ACAD10: variants seen among roughly 807,000 people sequenced by gnomAD.
ACAD10 encodes the protein acyl-CoA dehydrogenase family member 10.
ACAD10 carries 112 observed loss-of-function variants against 116.8 expected under a neutral mutation model. That is an observed-to-expected ratio of 0.96 (90% CI 0.82 to 1.12). The LOEUF is 1.12. Ranked by LOEUF, ACAD10 falls within the 50% of genes most tolerant of loss-of-function variation. The probability of loss-of-function intolerance (pLI) is 0.00; values close to 1 mark genes in which losing one functional copy is unlikely to be tolerated. For missense variants in ACAD10, 1,259 were observed against 1,350.2 expected, an observed-to-expected ratio of 0.93 and a Z score of 1.06; for synonymous variants, 486 against 510.6, an observed-to-expected ratio of 0.95 and a Z score of 0.65.
In ACAD10 at chr12:111,692,785, C is replaced by T. The variant is rs764785788; in HGVS notation, c.76C>T (p.Arg26Cys). 2.3e-5 allele frequency: 37 copies of T among 1,614,070 alleles called. No homozygotes were observed. Among genetic ancestry groups the T allele is most frequent in the Admixed American group, 8.3e-5 (5 of 60,000 alleles). Residue 26 changes from arginine to cysteine, a missense_variant, in exon 2 of 21, where the codon CGC becomes TGC. Arg to Cys is a radical substitution (Grantham distance 180). Transcript: ENST00000313698. ...WRTAFLKHTQRRHQGSHRWTH... is the reference protein window; with the variant it reads ...WRTAFLKHTQCRHQGSHRWTH... ...AACAGCCTTCCTGAAACACACCCAG[C>T]GCAGGCACCAGGGGTCCCACCGATG...
Position 111,729,845 on chromosome 12 carries a change from A to G in ACAD10, c.1283A>G (p.Gln428Arg). ...CGCCAGGTACGAACCTGGGTTAAGC[A>G]GTATCGAGCTTCCGAAACTAGCACC... ...IPRQVRTWVKQYRASETSTIP... is the reference protein window; with the variant it reads ...IPRQVRTWVKRYRASETSTIP... The change falls in exon 10 of 21, where the codon CAG becomes CGG. Residue 428 changes from glutamine to arginine, a missense_variant. Gln to Arg is a conservative substitution (Grantham distance 43). Transcript: ENST00000313698. 1 of 1,614,120 alleles carries G rather than the reference A, an allele frequency of 6.2e-7. No homozygotes were observed. The highest frequency in any genetic ancestry group is 8.5e-7 in the Non-Finnish European group (1 of 1,180,014).
chr12:111,691,532 G>T (rs1009727916), intron 1 of ACAD10, among the ~76,000 whole-genome samples: 1 of 151,730 alleles, frequency 6.6e-6, no homozygotes, highest in Non-Finnish European at 1.5e-5. Context: ...ATGTAGATGT[G>T]TATGTCCAGA....
In ACAD10 at chr12:111,747,030, C is replaced by T. The variant is rs766376238; in HGVS notation, c.2257-19C>T. ...GAAGAGGACATGACAGTCATGGTCACGCTCCTTTTCCTTCTCAGGTATGTA... is the reference window on the plus strand; with the variant it reads ...GAAGAGGACATGACAGTCATGGTCATGCTCCTTTTCCTTCTCAGGTATGTA... On this transcript the variant is annotated intron_variant, in intron 14 of 20. Transcript: ENST00000313698. 1.6e-5 allele frequency: 25 copies of T among 1,561,966 alleles called. No homozygotes were observed. The highest frequency in any genetic ancestry group is 1.5e-4 in the African/African-American group (11 of 73,508).
In ACAD10 at chr12:111,733,914, A is replaced by T. The variant is rs754240032; in HGVS notation, c.1395-9A>T. On this transcript the variant is annotated splice_polypyrimidine_tract_variant and intron_variant, in intron 10 of 20. Coordinates refer to ENST00000313698, the MANE Select transcript of ACAD10 (RefSeq NM_025247.6). Reference sequence around the variant, plus strand: ...TAGTGCTGTCTCTATTCCTCCTGCGACTTTTCAGGCTCGACAACCTGGTGT... The same window carrying T: ...TAGTGCTGTCTCTATTCCTCCTGCGTCTTTTCAGGCTCGACAACCTGGTGT... 1 of 1,614,014 alleles carries T rather than the reference A, an allele frequency of 6.2e-7. No homozygotes were observed. Among genetic ancestry groups the T allele is most frequent in the Non-Finnish European group, 8.5e-7 (1 of 1,180,042 alleles).
chr12:111,700,226 A>G (rs1012277580), intron 2 of ACAD10, among the ~76,000 whole-genome samples: 1 of 152,154 alleles, frequency 6.6e-6, no homozygotes, highest in African/African-American at 2.4e-5. Context: ...GCCCCAAGCC[A>G]TATTTTGCTG....
intron 1 of ACAD10, among the ~76,000 whole-genome samples, chr12:111,691,942 A>G (rs567605021): frequency 6.6e-6 from 1 of 151,682 alleles, no homozygotes; most frequent in South Asian, 2.1e-4. Context: ...ATTTTATTTT[A>G]AGGGCAATGG....
At position 111,753,825 on chromosome 12, in the gene ACAD10, G is replaced by GGCGGACATCGCGCAGTC; in HGVS notation, c.2875_2891dup (p.Val965ThrfsTer17). 1.2e-6 allele frequency: 2 copies of GGCGGACATCGCGCAGTC among 1,614,042 alleles called. No individual in the cohort carries two copies. Among genetic ancestry groups the GGCGGACATCGCGCAGTC allele is most frequent in the Non-Finnish European group, 1.7e-6 (2 of 1,180,042 alleles). On this transcript the variant is annotated frameshift_variant, in exon 19 of 21. Transcript: ENST00000313698. LOFTEE classifies it high-confidence loss of function. ...CCCTGGTGGAGCAGGGCACAGTGCTGGCGGACATCGCGCAGTCGCGCGTGG... is the reference window on the plus strand; with the variant it reads ...CCCTGGTGGAGCAGGGCACAGTGCTGGCGGACATCGCGCAGTCGCGGACATCGCGCAGTCGCGCGTGG...
At chr12:111,736,737 A>T in intron 11 of ACAD10, 94 bp from the exon 12 acceptor site, 1 of 1,330,700 alleles carries the variant, frequency 7.5e-7, no homozygotes, top group Non-Finnish European at 1.0e-6. Context: ...CTAATTTGCA[A>T]GGGACATGGC....
chr12:111,729,052 A>G (rs1889312134), intron 9 of ACAD10, among the ~76,000 whole-genome samples: 1 of 152,164 alleles, frequency 6.6e-6, no homozygotes, highest in Admixed American at 6.6e-5. Flanking sequence ...CAACAGCTCT[A>G]TGAGGACCAT....
Position 111,709,584 on chromosome 12 carries a change from GCT to G in ACAD10, c.591_592del (p.Leu198GlyfsTer9), listed in dbSNP as rs1350045224. On this transcript the variant is annotated frameshift_variant, in exon 5 of 21. Coordinates refer to ENST00000313698, the MANE Select transcript of ACAD10 (RefSeq NM_025247.6). LOFTEE classifies it high-confidence loss of function. Reference sequence around the variant, plus strand: ...CCAGACCCTAGGATCTACAAGCTGTGCTTGGAGCAGCTCGGCCTGCAGCCCTC... The same window carrying G: ...CCAGACCCTAGGATCTACAAGCTGTGTGGAGCAGCTCGGCCTGCAGCCCTC... The G allele has an allele frequency of 6.2e-7, 1 of 1,613,884 alleles. No homozygotes were observed. The highest frequency in any genetic ancestry group is 1.7e-5 in the Admixed American group (1 of 59,930).
chr12:111,737,077 C>T, intron 12 of ACAD10, 73 bp downstream of exon 12: 1 of 1,493,510 alleles, frequency 6.7e-7, no homozygotes, highest in Non-Finnish European at 9.1e-7. Context: ...ACCTGGAAAC[C>T]CTCTCAGGGC....
At chr12:111,715,492 T>C in intron 6 of ACAD10, 1 of 290,424 alleles carries the variant, frequency 3.4e-6, no homozygotes. Context: ...TTGTGCTTGA[T>C]AAACAGAATG....
At chr12:111,750,535 G>C (rs976414978) in intron 18 of ACAD10, among the ~76,000 whole-genome samples, 4 of 152,152 alleles carry the variant, frequency 2.6e-5, no homozygotes, top group Non-Finnish European at 5.9e-5. Context: ...GCAGTGAGCA[G>C]TGATCACACC....
intron 11 of ACAD10, among the ~76,000 whole-genome samples, chr12:111,736,325 G>C (rs1889563056): frequency 6.6e-6 from 1 of 151,728 alleles, no homozygotes; most frequent in East Asian, 1.9e-4. Context: ...CAGGTAGCTG[G>C]GATTACAGGT....
intron 11 of ACAD10, among the ~76,000 whole-genome samples, chr12:111,734,945 C>A (rs570101411): frequency 6.6e-6 from 1 of 151,792 alleles, no homozygotes; most frequent in Admixed American, 6.6e-5. Flanking sequence ...GGAAGACGGC[C>A]GGGCGCGGTG....
At chr12:111,729,751 C>T in intron 9 of ACAD10, 55 bp from the exon 10 acceptor site, 3 of 1,578,682 alleles carry the variant, frequency 1.9e-6, no homozygotes, top group Admixed American at 1.8e-5. Context: ...TTTTTTTCCG[C>T]TACTTTCAGA....
intron 4 of ACAD10, among the ~76,000 whole-genome samples, chr12:111,706,782 A>ATATT (rs778649893): frequency 3.9e-4 from 49 of 126,502 alleles, no homozygotes; most frequent in African/African-American, 7.3e-4. Flanking sequence ...ATATATATAT[A>ATATT]TTTTTTTTTT....
chr12:111,724,250 G>A (rs571777447), intron 8 of ACAD10, among the ~76,000 whole-genome samples: 12 of 149,984 alleles, frequency 8.0e-5, no homozygotes, highest in South Asian at 2.1e-4. Flanking sequence ...ATGTGATGGC[G>A]GCCGGGAAGA....
chr12:111,724,533 G>A (rs985274199), intron 8 of ACAD10, among the ~76,000 whole-genome samples: 6 of 152,240 alleles, frequency 3.9e-5, no homozygotes, highest in Admixed American at 6.5e-5. Flanking sequence ...CTGAGTGAAC[G>A]AGACTCCATC....
Sources: allele counts gnomAD v4.1 joint callset (sites outside exome capture counted in the v4.1 genomes callset), GRCh38; gene constraint gnomAD v4.1.1; transcripts MANE v1.5; gene names NCBI Gene and HGNC (gene_info 2026-07-23, HGNC 2026-07-21).